Variants in MIA2 observed in about 807,000 individuals in gnomAD.
The protein encoded by MIA2 is melanoma inhibitory activity protein 2.
MIA2 carries 127 observed loss-of-function variants against 167.8 expected under a neutral mutation model. That is an observed-to-expected ratio of 0.76 (90% confidence interval 0.66 to 0.88). MIA2 has a LOEUF of 0.88. Ranked by LOEUF, MIA2 falls within the 40% of genes least tolerant of loss-of-function variation. The pLI, the probability that MIA2 is intolerant of heterozygous loss-of-function variation, is 0.00. For missense variants in MIA2, 1,690 were observed against 1,624.7 expected (o/e 1.04, Z -0.69); for synonymous variants, 552 against 541.9 (o/e 1.02, Z -0.26).
intron 23 of MIA2, among the ~76,000 whole-genome samples, chr14:39,361,227 T>A (rs1012572234): frequency 2.0e-5 from 3 of 152,216 alleles, no homozygotes; most frequent in Non-Finnish European, 4.4e-5. Flanking sequence ...ATTTATAGAT[T>A]GCTTTAGGTA....
intron 23 of MIA2, among the ~76,000 whole-genome samples, chr14:39,364,449 TTG>T (rs2074771723): frequency 1.3e-5 from 2 of 151,958 alleles, no homozygotes; most frequent in African/African-American, 4.8e-5. Flanking sequence ...TTTTTTTGTT[TTG>T]TTTTTTTTTG....
At chr14:39,244,827 G>A (rs993118906) in intron 3 of MIA2, among the ~76,000 whole-genome samples, 5 of 151,860 alleles carry the variant, frequency 3.3e-5, no homozygotes, top group African/African-American at 1.2e-4. Flanking sequence ...ACCAAGGCTG[G>A]AGTGCAGTGG....
At chr14:39,381,035 AAC>A (rs2075150693) in intron 23 of MIA2, among the ~76,000 whole-genome samples, 1 of 151,698 alleles carries the variant, frequency 6.6e-6, no homozygotes, top group South Asian at 2.1e-4. Context: ...AAAAAAAAAA[AAC>A]AAAGGTAACA....
intron 23 of MIA2, chr14:39,386,535 T>A: frequency 7.5e-7 from 1 of 1,329,084 alleles, no homozygotes. Context: ...ACATTTCTCC[T>A]TTTTCTTTGG....
intron 23 of MIA2, among the ~76,000 whole-genome samples, chr14:39,385,230 C>T (rs746410254): frequency 6.6e-6 from 1 of 152,126 alleles, no homozygotes; most frequent in Non-Finnish European, 1.5e-5. Context: ...TCTACAAAAC[C>T]AACACCCATG....
At chr14:39,235,383 C>T (rs535921246) in intron 1 of MIA2, among the ~76,000 whole-genome samples, 1 of 152,246 alleles carries the variant, frequency 6.6e-6, no homozygotes, top group African/African-American at 2.4e-5. Context: ...TTAGTATAAA[C>T]ATAAATAATT....
intron 24 of MIA2, among the ~76,000 whole-genome samples, chr14:39,324,425 G>A (rs1178812853): frequency 6.6e-6 from 1 of 152,190 alleles, no homozygotes; most frequent in Non-Finnish European, 1.5e-5. Context: ...ACCTCCTGAT[G>A]TAAAAGCCAG....
chr14:39,313,599 T>C (rs1282915619), intron 19 of MIA2, among the ~76,000 whole-genome samples, 158 bp downstream of exon 19: 2 of 152,194 alleles, frequency 1.3e-5, no homozygotes, highest in Non-Finnish European at 2.9e-5. Context: ...TCATCACTTT[T>C]CATTCAGATT....
intron 6 of MIA2, among the ~76,000 whole-genome samples, chr14:39,263,883 C>T (rs1226024083): frequency 6.6e-6 from 1 of 152,154 alleles, no homozygotes; most frequent in Non-Finnish European, 1.5e-5. Context: ...ATTCGCCCGC[C>T]TTGGCCTCCC....
At chr14:39,322,302 G>A (rs12880609) in intron 24 of MIA2, among the ~76,000 whole-genome samples, 31,805 of 151,860 alleles carry the variant, frequency 0.21, 3,632 homozygotes, top group East Asian at 0.48. Context: ...CAGTATTTTG[G>A]GAGGCCGACG....
chr14:39,347,864 C>T, intron 27 of MIA2, 93 bp downstream of exon 27: 1 of 1,215,490 alleles, frequency 8.2e-7, no homozygotes, highest in African/African-American at 1.7e-5. Flanking sequence ...TATTGTTGCC[C>T]AAGCTGGAGT....
intron 25 of MIA2, among the ~76,000 whole-genome samples, chr14:39,334,992 G>A (rs776678776): frequency 1.4e-4 from 21 of 152,144 alleles, no homozygotes; most frequent in Admixed American, 6.5e-5. Context: ...GCTCATGCCT[G>A]TAATCCTAGC....
chr14:39,243,279 G>A (rs1442752355), intron 3 of MIA2, among the ~76,000 whole-genome samples: 1 of 152,050 alleles, frequency 6.6e-6, no homozygotes, highest in Non-Finnish European at 1.5e-5. Flanking sequence ...AGAGAGAGAG[G>A]CAAGACGATT....
intron 25 of MIA2, among the ~76,000 whole-genome samples, chr14:39,328,119 C>G (rs2067954731): frequency 6.6e-6 from 1 of 152,230 alleles, no homozygotes; most frequent in Non-Finnish European, 1.5e-5. Flanking sequence ...TTCACATCCT[C>G]TGCAGCATCT....
At chr14:39,297,800 T>C (rs911063511) in intron 13 of MIA2, among the ~76,000 whole-genome samples, 24 of 152,248 alleles carry the variant, frequency 1.6e-4, no homozygotes, top group South Asian at 8.3e-4. Flanking sequence ...CTGCTTTTTA[T>C]ACAGACTTTT....
At chr14:39,355,205 C>A (rs952065608), downstream of MIA2, among the ~76,000 whole-genome samples, 1 of 151,880 alleles carries the variant, frequency 6.6e-6, no homozygotes, top group Non-Finnish European at 1.5e-5. Flanking sequence ...AATGTTCTTC[C>A]ATTTGTTTGT....
intron 23 of MIA2, chr14:39,386,229 T>G: frequency 7.1e-7 from 1 of 1,411,734 alleles, no homozygotes; most frequent in African/African-American, 1.4e-5. Context: ...TTGTCTGCAG[T>G]TGTATTTTTG....
intron 3 of MIA2, among the ~76,000 whole-genome samples, chr14:39,241,446 T>G (rs527666312): frequency 2.6e-5 from 4 of 152,316 alleles, no homozygotes; most frequent in African/African-American, 7.2e-5. Context: ...TGGAGTATAT[T>G]GTCTTCTCTT....
intron 3 of MIA2, among the ~76,000 whole-genome samples, chr14:39,245,080 C>CATTTTTTTTTTT (rs1566590809): frequency 0.023 from 243 of 10,540 alleles, 1 homozygote; most frequent in African/African-American, 0.1. Context: ...ACCTAGCTAA[C>CATTTTTTTTTTT]CTTTTTTTTT....
Sources: gnomAD v4.1 joint callset for allele counts (sites outside exome capture counted in the v4.1 genomes callset) on GRCh38, gnomAD v4.1.1 for gene constraint, MANE v1.5 for transcripts, NCBI Gene and HGNC (gene_info 2026-07-23, HGNC 2026-07-21) for gene names.